Variants in TGM7 observed in about 807,000 individuals in gnomAD.
The protein encoded by TGM7 is transglutaminase 7, also known as protein-glutamine gamma-glutamyltransferase Z.
A neutral mutation model predicts 79.5 loss-of-function variants in TGM7; 74 were observed. That is an observed-to-expected ratio of 0.93 (90% CI 0.77 to 1.13). The LOEUF (loss-of-function observed/expected upper bound fraction) is 1.13, where lower values mean the gene tolerates loss of function less well. Ranked by LOEUF, TGM7 falls within the 50% of genes most tolerant of loss-of-function variation. TGM7 has a pLI of 0.00. For synonymous variants in TGM7, 354 were observed against 362.5 expected, an observed-to-expected ratio of 0.98 and a Z score of 0.27; for missense variants, 912 against 905.9, an observed-to-expected ratio of 1.01 and a Z score of -0.09.
intron 4 of TGM7, among the ~76,000 whole-genome samples, chr15:43,288,526 C>T (rs1018998737): frequency 1.3e-5 from 2 of 151,650 alleles, no homozygotes; most frequent in South Asian, 2.1e-4. Context: ...ATCATGTATT[C>T]TGATTAAGTT....
Position 43,293,551 on chromosome 15 carries a change from T to C in TGM7, c.91A>G (p.Lys31Glu). ...TGGCCGCGGCGCACAGTGAGCCGCT[T>C]GACGCCCATCTCCTGCGTGTGGTGC... ...KEHHTQEMGV[K>E]RLTVRRGQPF... The change falls in exon 2 of 13, where the codon AAG (lysine) becomes GAG (glutamate). Residue 31 changes from lysine (K) to glutamate (E), a missense_variant. Lys to Glu is a moderately conservative substitution (Grantham distance 56, BLOSUM62 1). Coordinates refer to ENST00000452443, the MANE Select transcript of TGM7 (RefSeq NM_052955.3). The C allele has an allele frequency of 6.2e-7, 1 of 1,609,404 alleles. No homozygotes were observed. Among genetic ancestry groups the C allele is most frequent in the Non-Finnish European group, 8.5e-7 (1 of 1,178,366 alleles).
At chr15:43,291,617 CACA>C in intron 4 of TGM7, among the ~76,000 whole-genome samples, 1 of 152,242 alleles carries the variant, frequency 6.6e-6, no homozygotes, top group South Asian at 2.1e-4. Context: ...GGCAGTAGGC[CACA>C]TTTGGTCTGT....
In TGM7 at chr15:43,279,648, C is replaced by A; in HGVS notation, c.1655G>T (p.Arg552Leu). ...TQKPFWRHTV[R>L]MNLDFGKETQ... ...ACCCTTCCCAAAGTCCAGGTTCATC[C>A]GCACTGTGTGCCTCCAGAAGGGCTT... is the stretch of plus-strand genomic sequence containing the variant. The change falls in exon 10 of 13, where the codon CGG (arginine) becomes CTG (leucine). Residue 552 changes from arginine (R) to leucine (L), a missense_variant. Coordinates refer to ENST00000452443, the MANE Select transcript of TGM7 (RefSeq NM_052955.3). The A allele has an allele frequency of 1.2e-6, 2 of 1,604,188 alleles. No homozygotes were observed. The highest frequency in any genetic ancestry group is 1.7e-6 in the Non-Finnish European group (2 of 1,174,258).
At chr15:43,295,549 C>G (rs2042988108) in intron 1 of TGM7, among the ~76,000 whole-genome samples, 1 of 152,172 alleles carries the variant, frequency 6.6e-6, no homozygotes, top group South Asian at 2.1e-4. Context: ...AGGATTGCCC[C>G]ATTGCACTCC....
rs778411338 is a variant in TGM7, at chr15:43,292,004, G to C, written c.533C>G (p.Thr178Ser). 1 of 1,613,934 alleles carries C rather than the reference G, an allele frequency of 6.2e-7. No individual in the cohort carries two copies. The highest frequency in any genetic ancestry group is 1.7e-5 in the Admixed American group (1 of 60,006). The change falls in exon 4 of 13, where the codon ACC (threonine) becomes AGC (serine). Residue 178 changes from threonine to serine, a missense_variant. Transcript: ENST00000452443. ...CTGCCCGTAGTTCCAGGGCCAGGAG[G>C]TGATGAATCTTTCATGACCCTTGTA... ...FVYKGHERFI[T>S]SWPWNYGQFE...
At position 43,302,191 on chromosome 15, in the gene TGM7, C is replaced by T. The variant is rs760836552; in HGVS notation, c.10+50G>A. 25 of 1,613,224 alleles carry T rather than the reference C, an allele frequency of 1.5e-5. No homozygotes were observed. In the Middle Eastern group the frequency reaches 6.6e-4, roughly 42 times the overall value. ...CCTCTACCCTCTCCAAACTTCTCCC[C>T]TCTCTTGACTTAGCACCTCCGAAAA... On this transcript the variant is annotated intron_variant, in intron 1 of 12. Transcript: ENST00000452443.
chr15:43,296,747 G>A (rs2042994181), intron 1 of TGM7, among the ~76,000 whole-genome samples: 1 of 152,128 alleles, frequency 6.6e-6, no homozygotes, highest in African/African-American at 2.4e-5. Flanking sequence ...AGGAGAGGGG[G>A]AGGAAGGAAG....
chr15:43,293,733 G>A (rs1020129727), intron 1 of TGM7, 102 bp from the exon 2 acceptor site: 13 of 258,514 alleles, frequency 5.0e-5, no homozygotes, highest in Admixed American at 2.5e-4. Context: ...GCGGGTGGTG[G>A]GGCGTGCGGG....
At chr15:43,279,980 G>T (rs773350213) in intron 9 of TGM7, 29 bp from the exon 10 acceptor site, 15 of 1,598,142 alleles carry the variant, frequency 9.4e-6, no homozygotes, top group Non-Finnish European at 1.2e-5. Context: ...GGAGAGACAT[G>T]CATGGGGAGG....
chr15:43,288,497 CT>C (rs549174189), intron 4 of TGM7, among the ~76,000 whole-genome samples: 36 of 149,244 alleles, frequency 2.4e-4, no homozygotes, highest in East Asian at 5.9e-4. Context: ...AATTACTATT[CT>C]TTTTTTTTTC....
intron 1 of TGM7, among the ~76,000 whole-genome samples, chr15:43,295,804 G>A (rs992122678): frequency 3.0e-4 from 45 of 152,190 alleles, no homozygotes; most frequent in East Asian, 1.9e-4. Context: ...ACAATCTTTT[G>A]TAAGGTAGAT....
At chr15:43,301,143 C>T (rs1370332431) in intron 1 of TGM7, among the ~76,000 whole-genome samples, 3 of 151,736 alleles carry the variant, frequency 2.0e-5, no homozygotes, top group East Asian at 2.0e-4. Context: ...CCACCATACC[C>T]GGCTAATTTT....
In TGM7 at chr15:43,283,010, G is replaced by A. The variant is rs546875880; in HGVS notation, c.1005-390C>T. On this transcript the variant is annotated intron_variant, in intron 7 of 12. Coordinates refer to ENST00000452443, the MANE Select transcript of TGM7 (RefSeq NM_052955.3). ...GCTTGCAGTGAGCCAAGATGGCACC[G>A]CTGCACTCCAGCCTGGGCCACAGAG... Among the ~76,000 whole-genome samples, 7 of 152,214 alleles carry A rather than the reference G, an allele frequency of 4.6e-5. No homozygotes were observed. In the East Asian group the frequency reaches 5.8e-4, roughly 13 times the overall value.
chr15:43,282,753 T>C (rs2042916005), intron 7 of TGM7, 133 bp from the exon 8 acceptor site: 1 of 763,576 alleles, frequency 1.3e-6, no homozygotes, highest in Non-Finnish European at 2.1e-6. Context: ...ATACTAAAAG[T>C]CACAAGAATA....
rs144037726 is a variant in TGM7 at position 43,287,273 on chromosome 15, C to T, written c.865+7G>A. On this transcript the variant is annotated splice_region_variant and intron_variant, in intron 6 of 12. Coordinates refer to ENST00000452443, the MANE Select transcript of TGM7 (RefSeq NM_052955.3). ...TCACACCCCTAAGTGAGTGATCTTT[C>T]GCTCACCGGTGCACATAACAGAGGC... 9,052 of 1,611,300 alleles carry T rather than the reference C, an allele frequency of 5.6e-3. 39 individuals carry two copies. Among genetic ancestry groups the T allele is most frequent in the Non-Finnish European group, 6.8e-3 (8,006 of 1,179,246 alleles).
At position 43,282,368 on chromosome 15, in the gene TGM7, GA is replaced by G. The variant is rs1313947227; in HGVS notation, c.1108+148del. On this transcript the variant is annotated intron_variant, in intron 8 of 12. Transcript: ENST00000452443. ...GGTGACTCTGTCAATGGTAGAGTTA[GA>G]TTCCTGATCTGAAGCTGTGTCAGCT... 6 of 796,274 alleles carry G rather than the reference GA, an allele frequency of 7.5e-6. No individual in the cohort carries two copies. In the African/African-American group the frequency reaches 1.0e-4, roughly 14 times the overall value. The allele number at this position is 796,274 out of a possible 1,614,324, so 49.3% of individuals were successfully genotyped here. A position where few individuals can be genotyped will look rare whatever the true frequency, so the allele number is the denominator to read the frequency against.
At chr15:43,291,952 C>G in intron 4 of TGM7, 27 bp downstream of exon 4, 1 of 1,573,360 alleles carries the variant, frequency 6.4e-7, no homozygotes, top group Non-Finnish European at 8.7e-7. Flanking sequence ...GAGCCCACCC[C>G]AGGCCCACAT....
intron 4 of TGM7, among the ~76,000 whole-genome samples, chr15:43,290,894 G>A (rs1321874306): frequency 6.6e-6 from 1 of 152,166 alleles, no homozygotes; most frequent in African/African-American, 2.4e-5. Flanking sequence ...GAATGCTTGT[G>A]ATTTTTGCAC....
At position 43,278,833 on chromosome 15, in the gene TGM7, C is replaced by T. The variant is rs375674084; in HGVS notation, c.1839+284G>A. Among the ~76,000 whole-genome samples the T allele has an allele frequency of 3.9e-5, 6 of 152,354 alleles. No individual in the cohort carries two copies. In the East Asian group the frequency reaches 5.8e-4, roughly 15 times the overall value. On this transcript the variant is annotated intron_variant, in intron 11 of 12. Coordinates refer to ENST00000452443, the MANE Select transcript of TGM7 (RefSeq NM_052955.3). Reference sequence around the variant, plus strand: ...TTCATCTCCTAGTCACTGCCTTTCCCGTCTCTTTGCCTTTGCAAAATGATT... The same window carrying T: ...TTCATCTCCTAGTCACTGCCTTTCCTGTCTCTTTGCCTTTGCAAAATGATT...
Sources: allele counts gnomAD v4.1 joint callset (sites outside exome capture counted in the v4.1 genomes callset), GRCh38; gene constraint gnomAD v4.1.1; transcripts MANE v1.5; gene names NCBI Gene and HGNC (gene_info 2026-07-23, HGNC 2026-07-21).